Variants in SP4 observed in about 807,000 individuals in gnomAD.
SP4 encodes Sp4 transcription factor, also known as transcription factor Sp4.
In SP4, 19 loss-of-function variants were observed where a neutral mutation model predicts 72.8. That is an observed-to-expected ratio of 0.26 (90% CI 0.18 to 0.38). The LOEUF (loss-of-function observed/expected upper bound fraction) is 0.38. Among genes scored for constraint, SP4 ranks in the 10% least tolerant of loss-of-function variants. The probability of loss-of-function intolerance (pLI) is 1.00; values close to 1 mark genes in which losing one functional copy is unlikely to be tolerated. For missense variants in SP4, 1,008 were observed against 926.3 expected (o/e 1.09, Z -1.14); for synonymous variants, 395 against 333.1 (o/e 1.19, Z -2.02).
At chr7:21,462,358 G>A (rs571279719) in intron 3 of SP4, among the ~76,000 whole-genome samples, 2 of 152,092 alleles carry the variant, frequency 1.3e-5, no homozygotes, top group Admixed American at 1.3e-4. Flanking sequence ...GTTCTCAAGA[G>A]TCTTAAAAAA....
chr7:21,454,426 C>G (rs1783698692), intron 3 of SP4, among the ~76,000 whole-genome samples: 1 of 151,424 alleles, frequency 6.6e-6, no homozygotes, highest in Admixed American at 6.6e-5. Flanking sequence ...CTTGAACATC[C>G]CTCTTTTTAT....
intron 3 of SP4, among the ~76,000 whole-genome samples, chr7:21,442,251 G>C (rs540884953): frequency 1.3e-5 from 2 of 152,014 alleles, no homozygotes; most frequent in South Asian, 4.1e-4. Context: ...TGTTGGCCAG[G>C]CTGGTCTTGA....
intron 3 of SP4, among the ~76,000 whole-genome samples, chr7:21,456,378 G>C (rs759178240): frequency 5.9e-5 from 9 of 152,196 alleles, no homozygotes; most frequent in Non-Finnish European, 1.2e-4. Context: ...CGCAGAGCCA[G>C]GGTTCCGATT....
intron 3 of SP4, among the ~76,000 whole-genome samples, chr7:21,468,909 T>C (rs989555962): frequency 6.6e-6 from 1 of 152,146 alleles, no homozygotes; most frequent in African/African-American, 2.4e-5. Context: ...GAAACAGCAT[T>C]CTCCCATACT....
intron 3 of SP4, among the ~76,000 whole-genome samples, chr7:21,455,534 T>G (rs967150619): frequency 6.6e-6 from 1 of 152,156 alleles, no homozygotes; most frequent in African/African-American, 2.4e-5. Context: ...CCATTCGTCC[T>G]TAGGGTTCCA....
intron 5 of SP4, among the ~76,000 whole-genome samples, chr7:21,508,275 G>A (rs1308131455): frequency 6.6e-6 from 1 of 152,136 alleles, no homozygotes; most frequent in African/African-American, 2.4e-5. Context: ...CCCAAAGAAT[G>A]GACTTGGAGA....
intron 3 of SP4, among the ~76,000 whole-genome samples, chr7:21,474,890 A>C (rs1354914614): frequency 2.0e-5 from 3 of 152,208 alleles, no homozygotes; most frequent in Non-Finnish European, 2.9e-5. Context: ...TTTAATGTGC[A>C]TGTTAGTTAT....
intron 5 of SP4, among the ~76,000 whole-genome samples, chr7:21,506,005 C>T (rs968176509): frequency 3.9e-5 from 6 of 152,138 alleles, no homozygotes; most frequent in African/African-American, 1.4e-4. Flanking sequence ...TGTCAGGAGG[C>T]CCATCATTAC....
rs746661568 is a variant in SP4 at position 21,429,541 on chromosome 7, A to C, written c.376A>C (p.Ser126Arg). 6.2e-7 allele frequency: 1 copy of C among 1,614,052 alleles called. No individual in the cohort carries two copies. The highest frequency in any genetic ancestry group is 8.5e-7 in the Non-Finnish European group (1 of 1,179,882). The change falls in exon 3 of 6, where the codon AGT becomes CGT. Residue 126 changes from serine to arginine, a missense_variant. Physicochemically the swap from Ser to Arg is moderately radical, Grantham distance 110. Around this residue, in one of 3 missense-constraint regions of SP4, gnomAD observed 893 missense variants for 743.3 expected, o/e 1.20. Coordinates refer to ENST00000222584, the MANE Select transcript of SP4 (RefSeq NM_003112.5). ...NVSQPASSSS[S>R]SSSSNNGSAS... Reference sequence around the variant, plus strand: ...TTCTCAACCAGCCTCTAGTTCGTCTAGTTCTTCCAGCAGTAATAACGGGAG... The same window carrying C: ...TTCTCAACCAGCCTCTAGTTCGTCTCGTTCTTCCAGCAGTAATAACGGGAG...
intron 5 of SP4, among the ~76,000 whole-genome samples, chr7:21,496,739 A>T (rs1315333842): frequency 6.6e-6 from 1 of 151,870 alleles, no homozygotes; most frequent in African/African-American, 2.4e-5. Flanking sequence ...TTCTTTAAAC[A>T]CCTTGGAACT....
chr7:21,452,787 T>A (rs965092308), intron 3 of SP4, among the ~76,000 whole-genome samples: 1,515 of 151,298 alleles, frequency 0.01, 26 homozygotes, highest in African/African-American at 0.034. Context: ...CTCATTATTT[T>A]TTTTTTTTTT....
intron 5 of SP4, among the ~76,000 whole-genome samples, chr7:21,495,148 C>G (rs965974288): frequency 6.6e-6 from 1 of 152,092 alleles, no homozygotes; most frequent in African/African-American, 2.4e-5. Context: ...AAATATAGGA[C>G]AAAATCTTTG....
chr7:21,434,393 A>G (rs527490395), intron 3 of SP4, among the ~76,000 whole-genome samples: 128 of 152,324 alleles, frequency 8.4e-4, no homozygotes, highest in African/African-American at 2.8e-3. Flanking sequence ...ACTTCGTTTT[A>G]TGAAATGAGA....
At chr7:21,445,671 A>G (rs897609882) in intron 3 of SP4, among the ~76,000 whole-genome samples, 3 of 152,144 alleles carry the variant, frequency 2.0e-5, no homozygotes, top group Admixed American at 1.3e-4. Flanking sequence ...GAAAGTTTAA[A>G]TAATTTGCCT....
At chr7:21,485,711 A>G (rs1056683354) in intron 5 of SP4, among the ~76,000 whole-genome samples, 5 of 152,082 alleles carry the variant, frequency 3.3e-5, no homozygotes, top group Admixed American at 6.5e-5. Context: ...AAGTTAGACA[A>G]TGCCTTTTCT....
At chr7:21,438,260 A>T (rs1227048496) in intron 3 of SP4, among the ~76,000 whole-genome samples, 3 of 152,206 alleles carry the variant, frequency 2.0e-5, no homozygotes, top group African/African-American at 7.2e-5. Flanking sequence ...TTTAAGGTCT[A>T]TGAAATTAGA....
chr7:21,474,015 C>T (rs1202806136), intron 3 of SP4, among the ~76,000 whole-genome samples: 1 of 152,150 alleles, frequency 6.6e-6, no homozygotes, highest in Non-Finnish European at 1.5e-5. Context: ...AATATACAAA[C>T]TCAAATATAA....
At chr7:21,477,799 C>A (rs940000376) in intron 4 of SP4, among the ~76,000 whole-genome samples, 1 of 152,200 alleles carries the variant, frequency 6.6e-6, no homozygotes, top group African/African-American at 2.4e-5. Flanking sequence ...CCTCAGCCCC[C>A]CAAGTGCTGG....
chr7:21,444,869 A>G (rs1174837723), intron 3 of SP4, among the ~76,000 whole-genome samples: 1 of 152,206 alleles, frequency 6.6e-6, no homozygotes, highest in Non-Finnish European at 1.5e-5. Flanking sequence ...ACAGCTAACC[A>G]CTACTACTTT....
Sources: allele counts gnomAD v4.1 joint callset (sites outside exome capture counted in the v4.1 genomes callset), GRCh38; gene constraint gnomAD v4.1.1; regional missense constraint gnomAD v4.1.1; transcripts MANE v1.5; gene names NCBI Gene and HGNC (gene_info 2026-07-23, HGNC 2026-07-21).